COX5B: variants seen among roughly 807,000 people sequenced by gnomAD.
The protein encoded by COX5B is cytochrome c oxidase subunit 5B.
COX5B carries 8 observed loss-of-function variants against 16.2 expected under a neutral mutation model. That is an observed-to-expected ratio of 0.49 (90% CI 0.29 to 0.89). The LOEUF (loss-of-function observed/expected upper bound fraction) is 0.89, where lower values mean the gene tolerates loss of function less well. COX5B is among the 40% of genes least tolerant of loss of function. The pLI is 0.08. For missense variants in COX5B, 161 were observed against 168.7 expected, an observed-to-expected ratio of 0.95 and a Z score of 0.25; for synonymous variants, 65 against 67.6, an observed-to-expected ratio of 0.96 and a Z score of 0.19.
intron 2 of COX5B, 51 bp from the exon 3 acceptor site, chr2:97,647,293 G>T (rs377722361): frequency 2.3e-5 from 37 of 1,577,050 alleles, no homozygotes; most frequent in Non-Finnish European, 2.9e-5. Context: ...TTGGCCTAAT[G>T]GTTCAATTCT....
rs1674686743 is a variant in COX5B, at chr2:97,647,995, G to A, written c.278-1G>A. ...CATAAACCACCTTTTTTCCCTTTTA[G>A]GTGAAGAGGACAATACCAGCGTCGT... On this transcript the variant is annotated splice_acceptor_variant, in intron 3 of 3. Transcript: ENST00000258424. LOFTEE classifies it high-confidence loss of function. 2 of 1,611,624 alleles carry A rather than the reference G, an allele frequency of 1.2e-6. No individual in the cohort carries two copies. The highest frequency in any genetic ancestry group is 8.5e-7 in the Non-Finnish European group (1 of 1,179,366).
chr2:97,647,566 C>G, intron 3 of COX5B, 123 bp downstream of exon 3: 1 of 825,108 alleles, frequency 1.2e-6, no homozygotes, highest in Non-Finnish European at 2.0e-6. Context: ...TCTTGACACT[C>G]TCAAGCCTCA....
chr2:97,648,362 T>G lies in COX5B; in HGVS notation c.*254T>G. The G allele has an allele frequency of 2.6e-6, 1 of 391,422 alleles. No individual in the cohort carries two copies. Among genetic ancestry groups the G allele is most frequent in the Admixed American group, 4.7e-5 (1 of 21,284 alleles). 24.2% of individuals were successfully genotyped at this position (391,422 alleles called of 1,614,324 possible). A position where few individuals can be genotyped will look rare whatever the true frequency, so the allele number is the denominator to read the frequency against. The stretch of plus-strand genomic sequence containing the variant: ...AATAGATCGACAACCCGTAATGCAA[T>G]GAATGGGACCACCTGGTATGAGAGA... On this transcript the variant is annotated 3_prime_UTR_variant, in exon 4 of 4. Transcript: ENST00000258424.
At position 97,647,938 on chromosome 2, in the gene COX5B, T is replaced by C. The variant is rs898286142; in HGVS notation, c.278-58T>C. On this transcript the variant is annotated intron_variant, in intron 3 of 3. Coordinates refer to ENST00000258424, the MANE Select transcript of COX5B (RefSeq NM_001862.3). ...GAGATGTCTGAGGAAAAGAAATTCA[T>C]GTTGAAAGTCTCCCTTTCTAGGTTG... 4 of 1,445,790 alleles carry C rather than the reference T, an allele frequency of 2.8e-6. No homozygotes were observed. In the African/African-American group the frequency reaches 4.2e-5, roughly 15 times the overall value. The allele number at this position is 1,445,790 out of a possible 1,614,324, so 89.6% of individuals were successfully genotyped here.
rs775801747 is a variant in COX5B at position 97,646,069 on chromosome 2, C to T, written c.-18C>T. On this transcript the variant is annotated 5_prime_UTR_variant, in exon 1 of 4. Coordinates refer to ENST00000258424, the MANE Select transcript of COX5B (RefSeq NM_001862.3). ...CTGCAGCTTGTTCCCGGAAGTTTTG[C>T]TGCTAGTCGCGGACGCAATGGCTTC... 59 of 1,545,898 alleles carry T rather than the reference C, an allele frequency of 3.8e-5. No homozygotes were observed. Among genetic ancestry groups the T allele is most frequent in the East Asian group, 4.9e-5 (2 of 40,962 alleles).
Position 97,646,127 on chromosome 2 carries a change from C to T in COX5B, c.41C>T (p.Ala14Val), listed in dbSNP as rs1416398749. Residue 14 changes from alanine (A) to valine (V), a missense_variant, in exon 1 of 4, where the codon GCG (alanine) becomes GTG (valine). Transcript: ENST00000258424. ...CTTCGCGGAGCTGGAACGCTGGCCG[C>T]GCAGGCCCTGAGGGCTCGCGGCCCC... is the stretch of plus-strand genomic sequence containing the variant. ...RLLRGAGTLA[A>V]QALRARGPSG... is the part of the protein sequence containing the mutation. 1.9e-6 allele frequency: 3 copies of T among 1,557,860 alleles called. No individual in the cohort carries two copies. The highest frequency in any genetic ancestry group is 2.6e-6 in the Non-Finnish European group (3 of 1,150,624).
intron 3 of COX5B, 22 bp downstream of exon 3, chr2:97,647,465 T>TTTA (rs1674679582): frequency 6.4e-7 from 1 of 1,574,616 alleles, no homozygotes; most frequent in African/African-American, 1.4e-5. Flanking sequence ...ACCTCTATTT[T>TTTA]TTATCCACTT....
intron 2 of COX5B, 100 bp downstream of exon 2, chr2:97,647,240 C>A: frequency 6.6e-7 from 1 of 1,519,722 alleles, no homozygotes; most frequent in Non-Finnish European, 9.1e-7. Flanking sequence ...GGAAACTTGG[C>A]TTGTAGGAAC....
rs1354842052 is a variant in COX5B at position 97,647,073 on chromosome 2, T to G, written c.110T>G (p.Val37Gly). The G allele has an allele frequency of 1.2e-5, 19 of 1,614,084 alleles. No individual in the cohort carries two copies. Among genetic ancestry groups the G allele is most frequent in the Non-Finnish European group, 1.4e-5 (17 of 1,179,948 alleles). Residue 37 changes from valine (V) to glycine (G), a missense_variant, in exon 2 of 4, where the codon GTT becomes GGT. Val to Gly is a moderately radical substitution (Grantham distance 109). Transcript: ENST00000258424. The stretch of plus-strand genomic sequence containing the variant: ...TCACGTTATCTTCCTTTAGGTGGTG[T>G]TCCCACTGATGAAGAGCAGGCGACT... Reference protein sequence around the residue: ...AMRSMASGGGVPTDEEQATGL... With the variant: ...AMRSMASGGGGPTDEEQATGL...
Position 97,646,191 on chromosome 2 carries a change from T to A in COX5B, c.103+2T>A. 1 of 1,536,564 alleles carries A rather than the reference T, an allele frequency of 6.5e-7. No individual in the cohort carries two copies. The highest frequency in any genetic ancestry group is 8.8e-7 in the Non-Finnish European group (1 of 1,137,584). Reference sequence around the variant, plus strand: ...CGATGCGCTCCATGGCATCTGGAGGTACTCGGGTCTCCGGGCGTGCCAGGG... The same window carrying A: ...CGATGCGCTCCATGGCATCTGGAGGAACTCGGGTCTCCGGGCGTGCCAGGG... On this transcript the variant is annotated splice_donor_variant, in intron 1 of 3. Coordinates refer to ENST00000258424, the MANE Select transcript of COX5B (RefSeq NM_001862.3). LOFTEE classifies it high-confidence loss of function.
At position 97,648,125 on chromosome 2, in the gene COX5B, A is replaced by T; in HGVS notation, c.*17A>T. ...GCACACTGAGCACCTGCACTAAATT[A>T]CTCAAAATGTGCTGTAAAGTTTCTT... On this transcript the variant is annotated 3_prime_UTR_variant, in exon 4 of 4. Coordinates refer to ENST00000258424, the MANE Select transcript of COX5B (RefSeq NM_001862.3). The T allele has an allele frequency of 6.4e-7, 1 of 1,571,894 alleles. No homozygotes were observed. The highest frequency in any genetic ancestry group is 8.6e-7 in the Non-Finnish European group (1 of 1,159,624).
intron 1 of COX5B, 182 bp downstream of exon 1, chr2:97,646,371 C>G: frequency 1.8e-6 from 1 of 567,578 alleles, no homozygotes; most frequent in Non-Finnish European, 3.1e-6. Context: ...TGCCGCTCCC[C>G]GAACTCACTC....
At chr2:97,646,417 A>G (rs957852233) in intron 1 of COX5B, 44 of 516,714 alleles carry the variant, frequency 8.5e-5, no homozygotes, top group African/African-American at 8.2e-4. Context: ...GTGCCGGGTG[A>G]CCTTGGGAGG....
chr2:97,646,915 G>A, intron 1 of COX5B, 152 bp from the exon 2 acceptor site: 1 of 674,868 alleles, frequency 1.5e-6, no homozygotes, highest in Non-Finnish European at 2.6e-6. Flanking sequence ...TGGTTCTTAG[G>A]GGACCATGGA....
intron 3 of COX5B, 59 bp downstream of exon 3, chr2:97,647,502 A>T: frequency 7.1e-7 from 1 of 1,409,322 alleles, no homozygotes; most frequent in Admixed American, 1.8e-5. Context: ...AATAGTGTGT[A>T]AGCTGCCTCA....
chr2:97,646,917 G>T (rs1041065879), intron 1 of COX5B, 150 bp from the exon 2 acceptor site: 1 of 683,486 alleles, frequency 1.5e-6, no homozygotes, highest in Non-Finnish European at 2.5e-6. Context: ...GTTCTTAGGG[G>T]ACCATGGATA....
At chr2:97,647,793 T>C (rs975612691) in intron 3 of COX5B, among the ~76,000 whole-genome samples, 3 of 152,218 alleles carry the variant, frequency 2.0e-5, no homozygotes, top group African/African-American at 7.2e-5. Flanking sequence ...TACAGTGACC[T>C]TGATACAAGG....
At chr2:97,647,791 C>T (rs1674684849) in intron 3 of COX5B, among the ~76,000 whole-genome samples, 1 of 152,264 alleles carries the variant, frequency 6.6e-6, no homozygotes, top group African/African-American at 2.4e-5. Flanking sequence ...TTTACAGTGA[C>T]CTTGATACAA....
intron 1 of COX5B, chr2:97,646,405 A>C (rs1430728446): frequency 1.8e-6 from 1 of 541,350 alleles, no homozygotes; most frequent in Non-Finnish European, 3.3e-6. Context: ...TCCTAAACGG[A>C]GGTGCCGGGT....
Sources: allele counts gnomAD v4.1 joint callset (sites outside exome capture counted in the v4.1 genomes callset), GRCh38; gene constraint gnomAD v4.1.1; transcripts MANE v1.5; gene names NCBI Gene and HGNC (gene_info 2026-07-23, HGNC 2026-07-21).